The following MAPK10 variants were observed in gnomAD, a reference collection of about 807,000 sequenced individuals.
MAPK10 encodes JNK3 alpha protein kinase.
Under a neutral mutation model 59.3 loss-of-function variants are expected in MAPK10, and 25 were observed. The ratio of observed to expected loss-of-function variants is 0.42; its 90% CI spans 0.31 to 0.59. The LOEUF (loss-of-function observed/expected upper bound fraction) is 0.59, where lower values mean the gene tolerates loss of function less well. Ranked by LOEUF, MAPK10 falls within the 20% of genes least tolerant of loss-of-function variation. MAPK10 has a pLI of 0.15. For missense variants in MAPK10, 351 were observed against 568.9 expected (o/e 0.62, Z 3.90); for synonymous variants, 190 against 200.5 (o/e 0.95, Z 0.44).
intron 9 of MAPK10, among the ~76,000 whole-genome samples, chr4:86,073,732 A>T (rs1157202411): frequency 1.8e-5 from 2 of 109,866 alleles, no homozygotes; most frequent in African/African-American, 4.0e-5. Context: ...CCTGAGTTCT[A>T]GTTTGATTGC....
chr4:86,073,814 C>G (rs1200584663), intron 9 of MAPK10, among the ~76,000 whole-genome samples: 10 of 105,286 alleles, frequency 9.5e-5, no homozygotes, highest in South Asian at 3.0e-4. Context: ...TTACTTCCAA[C>G]TATGTGGTCA....
intron 4 of MAPK10, among the ~76,000 whole-genome samples, chr4:86,152,820 A>C (rs1051674915): frequency 6.6e-6 from 1 of 152,216 alleles, no homozygotes; most frequent in African/African-American, 2.4e-5. Flanking sequence ...TGGAATGCAC[A>C]GGTCTCTTAG....
At chr4:86,434,937 A>G (rs1055124999) in intron 1 of MAPK10, among the ~76,000 whole-genome samples, 11 of 152,252 alleles carry the variant, frequency 7.2e-5, no homozygotes, top group African/African-American at 2.7e-4. Context: ...TGATCTATAT[A>G]CACAATGGAA....
chr4:86,136,907 T>G (rs1396777066), intron 4 of MAPK10, among the ~76,000 whole-genome samples: 7 of 152,078 alleles, frequency 4.6e-5, no homozygotes, highest in Non-Finnish European at 1.0e-4. Context: ...AAAACAGATT[T>G]TAAACCAACA....
intron 3 of MAPK10, among the ~76,000 whole-genome samples, chr4:86,175,745 T>C (rs2075546955): frequency 1.3e-5 from 2 of 152,248 alleles, no homozygotes; most frequent in African/African-American, 4.8e-5. Flanking sequence ...CTCTATTATT[T>C]ATAAATTACC....
chr4:86,427,100 C>CA (rs1350487104), intron 1 of MAPK10, among the ~76,000 whole-genome samples: 1 of 151,086 alleles, frequency 6.6e-6, no homozygotes, highest in Admixed American at 6.6e-5. Flanking sequence ...ACTAAAAATA[C>CA]AAAAAAATTA....
At chr4:86,499,035 C>A (rs1441464614) in intron 1 of MAPK10, among the ~76,000 whole-genome samples, 1 of 152,134 alleles carries the variant, frequency 6.6e-6, no homozygotes, top group East Asian at 1.9e-4. Context: ...AAAGCCACAT[C>A]CAATTATAGA....
At position 86,359,838 on chromosome 4, in the gene MAPK10, C is replaced by T. The variant is rs1371260928; in HGVS notation, c.-302G>A. On this transcript the variant is annotated 5_prime_UTR_variant, in exon 1 of 14. Coordinates refer to ENST00000641462, the MANE Select transcript of MAPK10 (RefSeq NM_138982.4). ...AAGAAAACCCAATCTTAAACTCACT[C>T]AAGCCCCTAGGAATTGAGGGGTGAG... 1.0e-6 allele frequency: 1 copy of T among 985,510 alleles called. No individual in the cohort carries two copies. Among genetic ancestry groups the T allele is most frequent in the African/African-American group, 1.7e-5 (1 of 57,174 alleles). The allele number at this position is 985,510 out of a possible 1,614,324, so 61.0% of individuals were successfully genotyped here.
chr4:86,026,873 A>C (rs1383440004), intron 13 of MAPK10: 1 of 152,220 alleles, frequency 6.6e-6, no homozygotes, highest in African/African-American at 2.4e-5. Context: ...GTGCGCCAAT[A>C]AAAATTTAAC....
Position 86,548,280 on chromosome 4 carries a change from G to A in MAPK10, c.-263+45630C>T, listed in dbSNP as rs553918891. The stretch of plus-strand genomic sequence containing the variant: ...TCCGCAGTTTCACTCCTGAGCCAGC[G>A]AGACCGCGAACCCCACCAGAAGGAA... On this transcript the variant is annotated intron_variant, in intron 1 of 4. Transcript: ENST00000502302. Among the ~76,000 whole-genome samples, 135 of 152,050 alleles carry A rather than the reference G, an allele frequency of 8.9e-4. 1 individual carries two copies. The highest frequency in any genetic ancestry group is 3.1e-3 in the African/African-American group (128 of 41,450).
At chr4:86,183,138 T>A (rs1398903756) in intron 3 of MAPK10, among the ~76,000 whole-genome samples, 7 of 111,130 alleles carry the variant, frequency 6.3e-5, no homozygotes, top group Non-Finnish European at 1.2e-4. Context: ...TTTGGCTGGT[T>A]TTTTTTTATT....
chr4:86,062,177 T>C (rs2045881743), intron 11 of MAPK10, among the ~76,000 whole-genome samples: 1 of 152,160 alleles, frequency 6.6e-6, no homozygotes. Flanking sequence ...TAAGACATGT[T>C]TACCCTTGTA....
intron 4 of MAPK10, among the ~76,000 whole-genome samples, chr4:86,137,741 C>T (rs1356691165): frequency 1.3e-4 from 18 of 134,870 alleles, no homozygotes; most frequent in Admixed American, 9.4e-4. Context: ...TTAATGAATC[C>T]AGGAGCTGGT....
intron 1 of MAPK10, among the ~76,000 whole-genome samples, chr4:86,436,475 T>C (rs1330755921): frequency 1.3e-5 from 2 of 152,144 alleles, no homozygotes; most frequent in Admixed American, 1.3e-4. Flanking sequence ...CACATGGCAA[T>C]CGATGGTCAT....
intron 5 of MAPK10, among the ~76,000 whole-genome samples, chr4:86,103,986 G>A (rs886772971): frequency 2.0e-5 from 3 of 151,814 alleles, no homozygotes; most frequent in Admixed American, 6.6e-5. Context: ...TGGTACTAAC[G>A]TGCCAGTAGG....
At chr4:86,153,487 A>G (rs542836396) in intron 4 of MAPK10, among the ~76,000 whole-genome samples, 1 of 152,334 alleles carries the variant, frequency 6.6e-6, no homozygotes, top group South Asian at 2.1e-4. Context: ...TTTTAAGATT[A>G]TGAATTACCA....
chr4:86,107,758 A>C, intron 4 of MAPK10: 1 of 452,068 alleles, frequency 2.2e-6, no homozygotes, highest in Non-Finnish European at 2.9e-6. Flanking sequence ...TGAATTTCTC[A>C]TCTGTTAATA....
At chr4:86,329,086 G>T (rs150017577) in intron 2 of MAPK10, among the ~76,000 whole-genome samples, 1 of 152,104 alleles carries the variant, frequency 6.6e-6, no homozygotes, top group South Asian at 2.1e-4. Context: ...TCTATGTGAG[G>T]ACTCAGCAAG....
chr4:86,365,837 T>C (rs1737788768), intron 1 of MAPK10, among the ~76,000 whole-genome samples: 1 of 151,814 alleles, frequency 6.6e-6, no homozygotes, highest in South Asian at 2.1e-4. Flanking sequence ...TTGAATCTTA[T>C]CAGTTCTATC....
Sources: gnomAD v4.1 joint callset for allele counts (sites outside exome capture counted in the v4.1 genomes callset) on GRCh38, gnomAD v4.1.1 for gene constraint, MANE v1.5 for transcripts, NCBI Gene and HGNC (gene_info 2026-07-23, HGNC 2026-07-21) for gene names.